The following DCC variants were observed in gnomAD, a reference collection of about 807,000 sequenced individuals.
DCC encodes the protein DCC netrin 1 receptor, also known as netrin receptor DCC.
DCC carries 58 observed loss-of-function variants against 172.5 expected under a neutral mutation model. The observed-to-expected ratio is 0.34, with a 90% confidence interval of 0.27 to 0.42. The LOEUF is 0.42. Among genes scored for constraint, DCC ranks in the 10% least tolerant of loss-of-function variants. The pLI is 1.00. For synonymous variants in DCC, 709 were observed against 644.5 expected (o/e 1.10, Z -1.52); for missense variants, 1,740 against 1,791.0 (o/e 0.97, Z 0.51).
At chr18:53,459,047 G>A (rs1051190040) in intron 23 of DCC, among the ~76,000 whole-genome samples, 185 bp from the exon 24 acceptor site, 1 of 152,126 alleles carries the variant, frequency 6.6e-6, no homozygotes, top group African/African-American at 2.4e-5. Flanking sequence ...TTTATAATGT[G>A]GTGAAGCTCC....
intron 27 of DCC, among the ~76,000 whole-genome samples, chr18:53,504,727 T>C (rs2046148778): frequency 6.6e-6 from 1 of 152,136 alleles, no homozygotes; most frequent in African/African-American, 2.4e-5. Flanking sequence ...TAAATATTAA[T>C]AGGAAAAGAG....
intron 21 of DCC, among the ~76,000 whole-genome samples, chr18:53,426,762 G>C (rs1910997358): frequency 6.6e-6 from 1 of 151,940 alleles, no homozygotes; most frequent in Non-Finnish European, 1.5e-5. Context: ...CTAATGCTTA[G>C]CACTGTGAAT....
intron 2 of DCC, among the ~76,000 whole-genome samples, chr18:52,905,372 C>G (rs897432110): frequency 3.9e-5 from 6 of 152,138 alleles, no homozygotes; most frequent in Non-Finnish European, 5.9e-5. Flanking sequence ...CCAAAGTATT[C>G]ATATGTAATA....
At chr18:52,433,503 C>G (rs527351942) in intron 1 of DCC, among the ~76,000 whole-genome samples, 2 of 152,080 alleles carry the variant, frequency 1.3e-5, no homozygotes, top group African/African-American at 4.8e-5. Flanking sequence ...TCTTGCAATA[C>G]ACAACAATTT....
intron 1 of DCC, among the ~76,000 whole-genome samples, chr18:52,559,238 A>G (rs528668015): frequency 2.7e-4 from 41 of 152,260 alleles, no homozygotes; most frequent in Non-Finnish European, 5.1e-4. Flanking sequence ...CAACCTCCCG[A>G]GTAGCTGGGA....
intron 9 of DCC, among the ~76,000 whole-genome samples, chr18:53,197,276 A>G (rs2144527152): frequency 6.6e-6 from 1 of 152,118 alleles, no homozygotes; most frequent in East Asian, 1.9e-4. Flanking sequence ...TAGGCTCAAG[A>G]ATCATTTTTA....
chr18:52,565,257 TG>T (rs1287011221), intron 1 of DCC, among the ~76,000 whole-genome samples: 1 of 152,202 alleles, frequency 6.6e-6, no homozygotes, highest in African/African-American at 2.4e-5. Context: ...GCATTTGGGT[TG>T]GTTCCAAGTC....
intron 3 of DCC, among the ~76,000 whole-genome samples, chr18:52,911,042 C>G (rs1285023008): frequency 1.3e-5 from 2 of 152,042 alleles, no homozygotes; most frequent in African/African-American, 4.8e-5. Flanking sequence ...GCACATTAAA[C>G]TTTTCAGTTT....
At chr18:53,055,295 T>C (rs781277355) in intron 5 of DCC, among the ~76,000 whole-genome samples, 14 of 152,196 alleles carry the variant, frequency 9.2e-5, no homozygotes, top group South Asian at 4.1e-4. Flanking sequence ...ATAATATATT[T>C]ACTTTCATTT....
Position 52,893,123 on chromosome 18 carries a change from T to C in DCC, c.413-12921T>C, listed in dbSNP as rs553377915. Among the ~76,000 whole-genome samples, 50 of 152,296 alleles carry C rather than the reference T, an allele frequency of 3.3e-4. No individual in the cohort carries two copies. In the East Asian group the frequency reaches 9.6e-3, roughly 29 times the overall value. Reference sequence around the variant, plus strand: ...AAGGCTTTGGGCAGACTACTCTCTCTACTGCATCTTTGTATTGAAAACTTG... The same window carrying C: ...AAGGCTTTGGGCAGACTACTCTCTCCACTGCATCTTTGTATTGAAAACTTG... On this transcript the variant is annotated intron_variant, in intron 2 of 28. Transcript: ENST00000442544.
chr18:52,766,460 TATAAGGTTGCA>T (rs1386436217), intron 2 of DCC, among the ~76,000 whole-genome samples: 2 of 151,754 alleles, frequency 1.3e-5, no homozygotes, highest in Non-Finnish European at 2.9e-5. Flanking sequence ...ATCCAGGAAA[TATAAGGTTGCA>T]TGAATAAATT....
At chr18:53,055,131 C>G (rs191452082) in intron 5 of DCC, among the ~76,000 whole-genome samples, 29 of 152,200 alleles carry the variant, frequency 1.9e-4, no homozygotes, top group African/African-American at 6.7e-4. Context: ...TTATGAAGCA[C>G]CTATCCCATG....
chr18:52,766,278 C>A lies in DCC; in HGVS notation c.412+13904C>A, dbSNP rs754542291. ...TGGCAGCATCCAGGTGGGGTGCCTG[C>A]AATTCCGGAAGGCCCAGAGGGTGTG... On this transcript the variant is annotated intron_variant, in intron 2 of 28. Coordinates refer to ENST00000442544, the MANE Select transcript of DCC (RefSeq NM_005215.4). 5.4e-4 allele frequency among the ~76,000 whole-genome samples: 83 copies of A among 152,304 alleles called. 3 individuals are homozygous for A. Among genetic ancestry groups the A allele is most frequent in the Middle Eastern group, 3.4e-3 (1 of 294 alleles).
chr18:53,351,450 TATATATAC>T (rs1568075433), intron 15 of DCC, among the ~76,000 whole-genome samples: 2 of 50,344 alleles, frequency 4.0e-5, no homozygotes, highest in East Asian at 5.4e-4. Flanking sequence ...AGTGTATATA[TATATATAC>T]ACAGTGTGTA....
At chr18:52,966,526 C>T (rs577064393) in intron 5 of DCC, among the ~76,000 whole-genome samples, 1 of 152,220 alleles carries the variant, frequency 6.6e-6, no homozygotes, top group East Asian at 1.9e-4. Context: ...GGTGGAGGGA[C>T]AGCTGGCTTC....
chr18:53,009,142 T>C (rs1434598976), intron 5 of DCC, among the ~76,000 whole-genome samples: 3 of 151,926 alleles, frequency 2.0e-5, no homozygotes, highest in Non-Finnish European at 4.4e-5. Flanking sequence ...AGGAATTTTA[T>C]ATATCTGAGT....
chr18:52,464,694 G>A (rs777037594), intron 1 of DCC, among the ~76,000 whole-genome samples: 1 of 151,988 alleles, frequency 6.6e-6, no homozygotes, highest in Non-Finnish European at 1.5e-5. Flanking sequence ...GAAAGAGTAG[G>A]CAGTGAGAAA....
chr18:53,405,686 T>G (rs1502214), intron 19 of DCC, among the ~76,000 whole-genome samples: 1 of 152,170 alleles, frequency 6.6e-6, no homozygotes, highest in South Asian at 2.1e-4. Context: ...AACTTAGGAA[T>G]TTGGACTGAC....
At chr18:53,416,101 T>C in intron 20 of DCC, 23 bp from the exon 21 acceptor site, 4 of 1,589,228 alleles carry the variant, frequency 2.5e-6, no homozygotes, top group East Asian at 2.2e-5. Context: ...AGTCTAATAA[T>C]GTTATTTCTT....
Sources: gnomAD v4.1 joint callset for allele counts (sites outside exome capture counted in the v4.1 genomes callset) on GRCh38, gnomAD v4.1.1 for gene constraint, MANE v1.5 for transcripts, NCBI Gene and HGNC (gene_info 2026-07-23, HGNC 2026-07-21) for gene names.